SPAG16: variants seen among roughly 807,000 people sequenced by gnomAD.
SPAG16 encodes the protein sperm associated antigen 16, also known as sperm-associated antigen 16 protein.
SPAG16 carries 86 observed loss-of-function variants against 80.4 expected under a neutral mutation model. The ratio of observed to expected loss-of-function variants is 1.07; its 90% CI spans 0.90 to 1.28. The LOEUF is 1.28. SPAG16 is among the 50% of genes most tolerant of loss of function. SPAG16 has a pLI of 0.00. For synonymous variants in SPAG16, 294 were observed against 265.9 expected (o/e 1.11, Z -1.03); for missense variants, 870 against 765.3 (o/e 1.14, Z -1.61).
chr2:214,073,987 T>C (rs918996869), intron 13 of SPAG16, among the ~76,000 whole-genome samples: 1 of 152,186 alleles, frequency 6.6e-6, no homozygotes, highest in Non-Finnish European at 1.5e-5. Context: ...GAAATCCTAA[T>C]GCCCAATGTG....
intron 11 of SPAG16, among the ~76,000 whole-genome samples, chr2:213,864,956 A>T (rs374138333): frequency 1.6e-4 from 25 of 152,074 alleles, no homozygotes; most frequent in Middle Eastern, 3.2e-3. Context: ...GATAACTAAC[A>T]CTTGAGAATC....
At chr2:213,330,999 T>C (rs538807353) in intron 5 of SPAG16, among the ~76,000 whole-genome samples, 1 of 152,354 alleles carries the variant, frequency 6.6e-6, no homozygotes, top group South Asian at 2.1e-4. Flanking sequence ...CCCTGCCATG[T>C]GGAACTGTTA....
At chr2:213,943,435 T>C (rs534224626) in intron 12 of SPAG16, among the ~76,000 whole-genome samples, 257 of 152,234 alleles carry the variant, frequency 1.7e-3, no homozygotes, top group African/African-American at 6.0e-3. Context: ...AGCAGAAATA[T>C]GGACAATAAA....
chr2:213,751,871 G>GT (rs566951734), intron 10 of SPAG16, among the ~76,000 whole-genome samples: 1 of 152,134 alleles, frequency 6.6e-6, no homozygotes, highest in Non-Finnish European at 1.5e-5. Flanking sequence ...CTCAGGCCCA[G>GT]TTTTTTTACT....
At chr2:213,465,230 C>G (rs2072612552) in intron 9 of SPAG16, among the ~76,000 whole-genome samples, 1 of 152,136 alleles carries the variant, frequency 6.6e-6, no homozygotes, top group South Asian at 2.1e-4. Context: ...CAAAAGCATA[C>G]TTAGAATCAG....
intron 15 of SPAG16, among the ~76,000 whole-genome samples, chr2:214,356,253 C>T (rs951646893): frequency 1.3e-5 from 2 of 151,836 alleles, no homozygotes; most frequent in African/African-American, 4.8e-5. Context: ...ATACATTTTA[C>T]TCCTGAAGTA....
At chr2:213,988,105 G>A (rs749544707) in intron 12 of SPAG16, among the ~76,000 whole-genome samples, 5 of 151,856 alleles carry the variant, frequency 3.3e-5, no homozygotes, top group Non-Finnish European at 7.4e-5. Context: ...TGAGATAACT[G>A]CCTAAACTGT....
chr2:214,036,858 A>G lies in SPAG16; in HGVS notation c.1527+22781A>G, dbSNP rs369592172. ...TCTTCTCCCATTACTTCTTAGTGTTATTTATTCAAAATATTATTTATTTAA... is the reference window on the plus strand; with the variant it reads ...TCTTCTCCCATTACTTCTTAGTGTTGTTTATTCAAAATATTATTTATTTAA... On this transcript the variant is annotated intron_variant, in intron 13 of 15. Coordinates refer to ENST00000331683, the MANE Select transcript of SPAG16 (RefSeq NM_024532.5). Among the ~76,000 whole-genome samples, 170 of 152,190 alleles carry G rather than the reference A, an allele frequency of 1.1e-3. 6 individuals are homozygous for G. The South Asian group carries it at 0.034, about 31-fold the overall frequency.
intron 13 of SPAG16, among the ~76,000 whole-genome samples, chr2:214,044,260 T>G (rs1369187186): frequency 1.3e-5 from 2 of 152,222 alleles, no homozygotes; most frequent in Non-Finnish European, 2.9e-5. Context: ...ATACTCTAAG[T>G]AATACATTTT....
intron 13 of SPAG16, among the ~76,000 whole-genome samples, chr2:214,075,138 CTT>C (rs977841090): frequency 6.8e-6 from 1 of 147,252 alleles, no homozygotes; most frequent in Non-Finnish European, 1.5e-5. Context: ...TGTACCCTAG[CTT>C]TTTTTTTTCA....
chr2:213,486,971 A>G (rs1405516236), intron 9 of SPAG16, among the ~76,000 whole-genome samples: 2 of 152,068 alleles, frequency 1.3e-5, no homozygotes, highest in Non-Finnish European at 2.9e-5. Flanking sequence ...AGATTATCTC[A>G]TCTTCATGCA....
At chr2:214,116,014 TAGG>T (rs1188110244) in intron 14 of SPAG16, among the ~76,000 whole-genome samples, 1 of 151,900 alleles carries the variant, frequency 6.6e-6, no homozygotes, top group Non-Finnish European at 1.5e-5. Flanking sequence ...GCCCAAGACT[TAGG>T]AGGATTATTT....
At chr2:214,222,660 T>G (rs76730767) in intron 15 of SPAG16, among the ~76,000 whole-genome samples, 221 of 152,350 alleles carry the variant, frequency 1.5e-3, no homozygotes, top group African/African-American at 5.2e-3. Flanking sequence ...GCAATGTAAT[T>G]ATCATGAACA....
chr2:213,387,429 C>CTTTT (rs1491308938), intron 9 of SPAG16, among the ~76,000 whole-genome samples: 3,139 of 71,526 alleles, frequency 0.044, 662 homozygotes, highest in Non-Finnish European at 0.057. Flanking sequence ...GAAATGCATG[C>CTTTT]TCTTTTTTTT....
intron 10 of SPAG16, among the ~76,000 whole-genome samples, chr2:213,548,416 T>C (rs556573022): frequency 6.6e-6 from 1 of 152,290 alleles, no homozygotes; most frequent in East Asian, 1.9e-4. Context: ...TTTCACCATG[T>C]TGGCCAGGAT....
Position 214,149,077 on chromosome 2 carries a change from G to GTATATATATATATATATATA in SPAG16, c.1594-62_1594-43dup, listed in dbSNP as rs1553515469. On this transcript the variant is annotated intron_variant, in intron 14 of 15. Coordinates refer to ENST00000331683, the MANE Select transcript of SPAG16 (RefSeq NM_024532.5). ...TGTATATATATATGTGTGTGTGTGT[G>GTATATATATATATATATATA]TATATATATATATATATATACATAC... The GTATATATATATATATATATA allele has an allele frequency of 3.1e-3, 747 of 240,056 alleles. 10 individuals carry two copies. The highest frequency in any genetic ancestry group is 0.026 in the East Asian group (175 of 6,650). 14.9% of individuals were successfully genotyped at this position (240,056 alleles called of 1,614,324 possible).
chr2:214,086,427 G>T (rs1009511741), intron 13 of SPAG16, among the ~76,000 whole-genome samples: 1 of 152,126 alleles, frequency 6.6e-6, no homozygotes, highest in Non-Finnish European at 1.5e-5. Flanking sequence ...ATTGTAATCC[G>T]AATTGTAATC....
rs1266338140 is a variant in SPAG16, at chr2:213,426,832, TACATAC to T, written c.942+51717_942+51722del. 3.5e-3 allele frequency among the ~76,000 whole-genome samples: 231 copies of T among 65,336 alleles called. 1 individual carries two copies. Among genetic ancestry groups the T allele is most frequent in the Middle Eastern group, 0.011 (1 of 94 alleles). 42.9% of individuals were successfully genotyped at this position (65,336 alleles called of 152,430 possible). A position where few individuals can be genotyped will look rare whatever the true frequency, so the allele number is the denominator to read the frequency against. On this transcript the variant is annotated intron_variant, in intron 9 of 15. Transcript: ENST00000331683. ...GAACTTTTTCAAAAGATTATTCTGA[TACATAC>T]ACACACACACACACACACACACACA...
intron 9 of SPAG16, among the ~76,000 whole-genome samples, chr2:213,387,251 C>T (rs1456684157): frequency 6.6e-6 from 1 of 151,154 alleles, no homozygotes; most frequent in Non-Finnish European, 1.5e-5. Flanking sequence ...TACCTTTCAC[C>T]TTGTATTTTG....
Sources: gnomAD v4.1 joint callset for allele counts (sites outside exome capture counted in the v4.1 genomes callset) on GRCh38, gnomAD v4.1.1 for gene constraint, MANE v1.5 for transcripts, NCBI Gene and HGNC (gene_info 2026-07-23, HGNC 2026-07-21) for gene names.